The following SLC22A23 variants were observed in gnomAD, a reference collection of about 807,000 sequenced individuals.
SLC22A23 encodes the protein ion transporter protein.
SLC22A23 carries 26 observed loss-of-function variants against 61.0 expected under a neutral mutation model. The ratio of observed to expected loss-of-function variants is 0.43; its 90% confidence interval spans 0.31 to 0.59. SLC22A23 has a LOEUF of 0.59. Among genes scored for constraint, SLC22A23 ranks in the 20% least tolerant of loss-of-function variants. The probability of loss-of-function intolerance (pLI) is 0.11; values close to 1 mark genes in which losing one functional copy is unlikely to be tolerated. For synonymous variants in SLC22A23, 430 were observed against 413.9 expected (o/e 1.04, Z -0.47); for missense variants, 796 against 934.7 (o/e 0.85, Z 1.94).
intron 1 of SLC22A23, among the ~76,000 whole-genome samples, chr6:3,420,154 A>G (rs533497244): frequency 1.3e-5 from 2 of 152,014 alleles, no homozygotes; most frequent in African/African-American, 4.8e-5. Context: ...CTGAGCCATG[A>G]CTAAGTGGTG....
chr6:3,378,662 T>TG (rs976347468), intron 3 of SLC22A23, among the ~76,000 whole-genome samples: 2 of 125,738 alleles, frequency 1.6e-5, no homozygotes, highest in African/African-American at 8.0e-5. Context: ...TTTTTCTTTT[T>TG]TTTTTTTTTT....
At chr6:3,279,387 C>T (rs983549941) in intron 9 of SLC22A23, among the ~76,000 whole-genome samples, 4 of 150,948 alleles carry the variant, frequency 2.6e-5, no homozygotes, top group East Asian at 1.9e-4. Flanking sequence ...GGCGCGTGCA[C>T]GTAATCCCAG....
At chr6:3,365,100 C>T (rs1166862582) in intron 3 of SLC22A23, among the ~76,000 whole-genome samples, 1 of 152,198 alleles carries the variant, frequency 6.6e-6, no homozygotes, top group African/African-American at 2.4e-5. Flanking sequence ...AGGCAGATTA[C>T]CTGAGGTCAG....
At chr6:3,438,663 T>TA (rs1771385478) in intron 1 of SLC22A23, 1 of 389,688 alleles carries the variant, frequency 2.6e-6, no homozygotes, top group Admixed American at 3.1e-5. Context: ...CCTTTTCTAG[T>TA]AATTAACCGT....
At chr6:3,446,084 A>G (rs1286903134) in intron 1 of SLC22A23, among the ~76,000 whole-genome samples, 3 of 152,330 alleles carry the variant, frequency 2.0e-5, no homozygotes, top group East Asian at 3.9e-4. Flanking sequence ...ATGCAAAGCC[A>G]CAGCTGAACT....
intron 4 of SLC22A23, chr6:3,323,477 C>T (rs1763086773): frequency 2.4e-6 from 1 of 412,086 alleles, no homozygotes. Context: ...TCCAAATCCC[C>T]CCTCCTAACA....
chr6:3,326,853 A>C (rs1022702625), intron 3 of SLC22A23, among the ~76,000 whole-genome samples: 5 of 152,256 alleles, frequency 3.3e-5, no homozygotes, highest in Admixed American at 2.6e-4. Context: ...AACTGCAGGC[A>C]CTTGAGGATT....
At chr6:3,378,816 C>A (rs1218655008) in intron 3 of SLC22A23, among the ~76,000 whole-genome samples, 2 of 152,090 alleles carry the variant, frequency 1.3e-5, no homozygotes, top group African/African-American at 2.4e-5. Context: ...TGCCACCACA[C>A]CCGGCTAATT....
intron 7 of SLC22A23, among the ~76,000 whole-genome samples, chr6:3,285,436 G>A (rs1033591851): frequency 6.6e-6 from 1 of 152,226 alleles, no homozygotes; most frequent in Non-Finnish European, 1.5e-5. Flanking sequence ...GGTCACTGCC[G>A]CCTGCATTCA....
chr6:3,314,915 GCAGCGTGA>G (rs1016263349), intron 4 of SLC22A23, among the ~76,000 whole-genome samples: 4 of 152,146 alleles, frequency 2.6e-5, no homozygotes, highest in African/African-American at 9.7e-5. Context: ...GTTATGCAGT[GCAGCGTGA>G]TCCTTCTCTA....
chr6:3,379,758 A>G (rs1766835058), intron 3 of SLC22A23, among the ~76,000 whole-genome samples: 1 of 152,116 alleles, frequency 6.6e-6, no homozygotes, highest in South Asian at 2.1e-4. Flanking sequence ...ATGCAATTCA[A>G]ACAGAAGTCA....
intron 9 of SLC22A23, among the ~76,000 whole-genome samples, chr6:3,274,883 A>AATATT (rs70998386): frequency 0.12 from 18,998 of 152,050 alleles, 3,279 homozygotes; most frequent in African/African-American, 0.39. Context: ...TAGAAGACTA[A>AATATT]ATATTATAAA....
intron 6 of SLC22A23, among the ~76,000 whole-genome samples, chr6:3,289,053 C>T (rs575551887): frequency 1.4e-4 from 22 of 152,388 alleles, no homozygotes; most frequent in African/African-American, 4.8e-4. Context: ...CCCCAGGTGA[C>T]CTCTAACCCA....
chr6:3,395,717 G>T (rs1354935647), intron 3 of SLC22A23, among the ~76,000 whole-genome samples: 1 of 152,000 alleles, frequency 6.6e-6, no homozygotes, highest in Non-Finnish European at 1.5e-5. Flanking sequence ...GCAAAATTAC[G>T]CAAAAAGGCA....
Position 3,318,617 on chromosome 6 carries a change from C to T in SLC22A23, c.1082+5217G>A, listed in dbSNP as rs759894820. Among the ~76,000 whole-genome samples, 1 of 152,108 alleles carries T rather than the reference C, an allele frequency of 6.6e-6. No homozygotes were observed. Among genetic ancestry groups the T allele is most frequent in the Non-Finnish European group, 1.5e-5 (1 of 68,022 alleles). ...TGTGTGGTCCTATGTACCCCTTCCT[C>T]CTGGGAACTGAGAGTAATAAATGAT... On this transcript the variant is annotated intron_variant, in intron 4 of 9. Coordinates refer to ENST00000406686, the MANE Select transcript of SLC22A23 (RefSeq NM_015482.2). The surrounding 1 kb of genome is among the most constrained non-coding windows in gnomAD (Gnocchi z 4.3).
chr6:3,438,367 G>A (rs1040264379), intron 1 of SLC22A23: 3 of 371,562 alleles, frequency 8.1e-6, no homozygotes, highest in Non-Finnish European at 1.1e-5. Flanking sequence ...CGAGGTGCCT[G>A]CCTTGGCACA....
Position 3,372,407 on chromosome 6 carries a change from G to A in SLC22A23, c.913+37781C>T, listed in dbSNP as rs1032682929. Among the ~76,000 whole-genome samples the A allele has an allele frequency of 6.6e-6, 1 of 152,246 alleles. No homozygotes were observed. Among genetic ancestry groups the A allele is most frequent in the Non-Finnish European group, 1.5e-5 (1 of 68,038 alleles). On this transcript the variant is annotated intron_variant, in intron 3 of 9. Coordinates refer to ENST00000406686, the MANE Select transcript of SLC22A23 (RefSeq NM_015482.2). The surrounding 1 kb of genome is among the most constrained non-coding windows in gnomAD (Gnocchi z 4.7). ...GCTGGCTGTGCTGGGAAGGGGGGAT[G>A]GGCGTGGCTGCTGACAGCACGTAAG...
rs148264730 is a variant in SLC22A23, at chr6:3,366,181, A to G, written c.914-42179T>C. ...CTGTCTCTACTAAAAATACAAAAAA[A>G]ATTTAGCTGGGCATGGTGGCATGCA... is the stretch of plus-strand genomic sequence containing the variant. On this transcript the variant is annotated intron_variant, in intron 3 of 9. Transcript: ENST00000406686. Among the ~76,000 whole-genome samples, 69 of 151,918 alleles carry G rather than the reference A, an allele frequency of 4.5e-4. 1 individual carries two copies. In the East Asian group the frequency reaches 9.1e-3, roughly 20 times the overall value.
rs1374479933 is a variant in SLC22A23, at chr6:3,403,327, T to C, written c.913+6861A>G. Among the ~76,000 whole-genome samples the C allele has an allele frequency of 2.0e-5, 3 of 151,288 alleles. No homozygotes were observed. In the East Asian group the frequency reaches 5.8e-4, roughly 29 times the overall value. On this transcript the variant is annotated intron_variant, in intron 3 of 9. Transcript: ENST00000406686. ...GGTCGACTCAGCTTTTAGCTTCAGG[T>C]CCCATCCTGTCTGTCCAGGTGTGGA...
Sources: gnomAD v4.1 joint callset for allele counts (sites outside exome capture counted in the v4.1 genomes callset) on GRCh38, gnomAD v4.1.1 for gene constraint, Gnocchi (gnomAD v3.1) non-coding constraint, MANE v1.5 for transcripts, NCBI Gene and HGNC (gene_info 2026-07-23, HGNC 2026-07-21) for gene names.